SDK1: variants seen among roughly 807,000 people sequenced by gnomAD.
SDK1 encodes the protein protein sidekick-1.
A neutral mutation model predicts 245.5 loss-of-function variants in SDK1; 157 were observed. The observed-to-expected ratio is 0.64, with a 90% CI of 0.56 to 0.73. SDK1 has a LOEUF of 0.73. Ranked by LOEUF, SDK1 falls within the 30% of genes least tolerant of loss-of-function variation. The pLI is 0.00. For synonymous variants in SDK1, 1,647 were observed against 1,278.5 expected, an observed-to-expected ratio of 1.29 and a Z score of -6.15; for missense variants, 3,583 against 3,002.3, an observed-to-expected ratio of 1.19 and a Z score of -4.52.
rs530205008 is a variant in SDK1, at chr7:3,554,225, A to C, written c.299-64855A>C. Among the ~76,000 whole-genome samples, 23 of 152,330 alleles carry C rather than the reference A, an allele frequency of 1.5e-4. No homozygotes were observed. The South Asian group carries it at 4.8e-3, about 32-fold the overall frequency. On this transcript the variant is annotated intron_variant, in intron 1 of 44. Transcript: ENST00000404826. ...ATCCTGGGCCATAGAGCACTTTTAA[A>C]CAACCAAACTCATGCGGAGTGCACT...
rs184608044 is a variant in SDK1, at chr7:4,169,185, G to A, written c.4801-5037G>A. Among the ~76,000 whole-genome samples, 662 of 152,310 alleles carry A rather than the reference G, an allele frequency of 4.3e-3. 4 individuals carry two copies. The highest frequency in any genetic ancestry group is 0.015 in the African/African-American group (617 of 41,568). On this transcript the variant is annotated intron_variant, in intron 32 of 44. Coordinates refer to ENST00000404826, the MANE Select transcript of SDK1 (RefSeq NM_152744.4). ...CATTTTTGCAAGACTGGTTGTTACC[G>A]GGAGTAGCAGTAACCCAGGAATCCA...
In SDK1 at chr7:4,049,358, G is replaced by A. The variant is rs143539228; in HGVS notation, c.2613G>A (p.Ala871=). ...TEYTLQGVPT[A]PPQNVQTEAV... ...ACTGCCCTGCCACAGTGCCCACCGC[G>A]CCCCCGCAGAACGTGCAGACGGAAG... is the stretch of plus-strand genomic sequence containing the variant. Residue 871 remains alanine, a synonymous_variant, in exon 18 of 45, where the codon GCG becomes GCA. Coordinates refer to ENST00000404826, the MANE Select transcript of SDK1 (RefSeq NM_152744.4). 1.6e-4 allele frequency: 255 copies of A among 1,613,620 alleles called. No homozygotes were observed. The highest frequency in any genetic ancestry group is 9.0e-5 in the Non-Finnish European group (106 of 1,179,908).
chr7:3,595,219 A>T (rs906250255), intron 1 of SDK1, among the ~76,000 whole-genome samples: 1 of 121,354 alleles, frequency 8.2e-6, no homozygotes, highest in Non-Finnish European at 1.6e-5. Context: ...TGGTGACTTT[A>T]TGATATTTTG....
rs75303365 is a variant in SDK1, at chr7:3,697,265, A to T, written c.713+55160A>T. Among the ~76,000 whole-genome samples the T allele has an allele frequency of 3.2e-3, 492 of 152,324 alleles. 1 individual carries two copies. The highest frequency in any genetic ancestry group is 0.011 in the African/African-American group (478 of 41,570). On this transcript the variant is annotated intron_variant, in intron 4 of 44. Coordinates refer to ENST00000404826, the MANE Select transcript of SDK1 (RefSeq NM_152744.4). ...TCTGCTAATTATAAGAAAAGCCAAG[A>T]TATTGAAATTTGTGTAGTGCTAATT...
intron 1 of SDK1, among the ~76,000 whole-genome samples, chr7:3,354,024 G>A (rs1780729252): frequency 6.8e-6 from 1 of 146,002 alleles, no homozygotes; most frequent in Non-Finnish European, 1.5e-5. Flanking sequence ...ACAGACTCTC[G>A]CTCTGTTGCC....
At chr7:3,313,119 A>G (rs1779588218) in intron 1 of SDK1, among the ~76,000 whole-genome samples, 1 of 152,200 alleles carries the variant, frequency 6.6e-6, no homozygotes, top group Admixed American at 6.5e-5. Flanking sequence ...CTCAAGAGTA[A>G]ATGAAATGGC....
chr7:3,802,435 TGAGGTGG>T (rs1479375035), intron 4 of SDK1, among the ~76,000 whole-genome samples: 2 of 152,010 alleles, frequency 1.3e-5, no homozygotes, highest in African/African-American at 2.4e-5. Context: ...CTCAGCAGGC[TGAGGTGG>T]GAGGATCACT....
At chr7:3,910,646 C>A (rs10242592) in intron 5 of SDK1, among the ~76,000 whole-genome samples, 9,750 of 152,088 alleles carry the variant, frequency 0.064, 1,024 homozygotes, top group African/African-American at 0.22. Flanking sequence ...GCCCAGGCTC[C>A]GGTGATTGAC....
At chr7:3,618,199 C>G (rs911894764) in intron 1 of SDK1, among the ~76,000 whole-genome samples, 1 of 152,110 alleles carries the variant, frequency 6.6e-6, no homozygotes, top group Non-Finnish European at 1.5e-5. Context: ...CAAATCATAT[C>G]TAGTATTCTC....
chr7:3,302,498 G>A (rs1779301258), intron 1 of SDK1: 1 of 152,166 alleles, frequency 6.6e-6, no homozygotes, highest in Non-Finnish European at 1.5e-5. Flanking sequence ...TTAGAATACA[G>A]TGGTGAGCTC....
At chr7:3,793,790 G>T (rs1778883667) in intron 4 of SDK1, among the ~76,000 whole-genome samples, 1 of 152,126 alleles carries the variant, frequency 6.6e-6, no homozygotes, top group Non-Finnish European at 1.5e-5. Context: ...ATCACAGAAA[G>T]GGAGTGGACT....
chr7:3,934,302 A>G (rs770402878), intron 5 of SDK1, among the ~76,000 whole-genome samples: 30 of 152,140 alleles, frequency 2.0e-4, no homozygotes, highest in Non-Finnish European at 3.5e-4. Flanking sequence ...TGTTCAAACC[A>G]TTTGTTAAGA....
chr7:3,736,938 C>CCT (rs1373927669), intron 4 of SDK1, among the ~76,000 whole-genome samples: 2 of 152,184 alleles, frequency 1.3e-5, no homozygotes, highest in African/African-American at 4.8e-5. Context: ...AACATCTGTG[C>CCT]CTCAGCCTTG....
chr7:3,650,019 A>AC (rs1367274697), intron 4 of SDK1, among the ~76,000 whole-genome samples: 1 of 151,058 alleles, frequency 6.6e-6, no homozygotes, highest in African/African-American at 2.4e-5. Context: ...GTTTTGAAAA[A>AC]AAAAAAAAGG....
intron 1 of SDK1, among the ~76,000 whole-genome samples, chr7:3,483,919 T>G (rs1204464985): frequency 6.6e-6 from 1 of 152,202 alleles, no homozygotes; most frequent in Non-Finnish European, 1.5e-5. Context: ...TAAAATTTAT[T>G]TTTAGTTTTT....
At chr7:3,927,553 G>A (rs1779815226) in intron 5 of SDK1, among the ~76,000 whole-genome samples, 2 of 152,146 alleles carry the variant, frequency 1.3e-5, no homozygotes, top group Non-Finnish European at 2.9e-5. Flanking sequence ...CACAGTCAGA[G>A]GCCTCAAAGC....
At chr7:3,513,809 G>C (rs931709018) in intron 1 of SDK1, among the ~76,000 whole-genome samples, 1 of 152,068 alleles carries the variant, frequency 6.6e-6, no homozygotes, top group Non-Finnish European at 1.5e-5. Context: ...GTAGTCCCCA[G>C]TGTCTGTTGT....
intron 4 of SDK1, among the ~76,000 whole-genome samples, chr7:3,781,992 A>G (rs1178470777): frequency 6.6e-6 from 1 of 152,214 alleles, no homozygotes; most frequent in South Asian, 2.1e-4. Flanking sequence ...ACCAGAAACT[A>G]TATTTAAAGA....
intron 4 of SDK1, among the ~76,000 whole-genome samples, chr7:3,655,161 A>G (rs1783123334): frequency 1.3e-5 from 2 of 151,494 alleles, no homozygotes; most frequent in South Asian, 4.2e-4. Flanking sequence ...AAGGCCAGGC[A>G]GGTGACTCAC....
Sources: allele counts gnomAD v4.1 joint callset (sites outside exome capture counted in the v4.1 genomes callset), GRCh38; gene constraint gnomAD v4.1.1; transcripts MANE v1.5; gene names NCBI Gene and HGNC (gene_info 2026-07-23, HGNC 2026-07-21).